SBF2: variants seen among roughly 807,000 people sequenced by gnomAD.
The protein encoded by SBF2 is SET binding factor 2.
SBF2 carries 112 observed loss-of-function variants against 225.2 expected under a neutral mutation model. The observed-to-expected ratio is 0.50, with a 90% CI of 0.43 to 0.58. SBF2 has a LOEUF of 0.58. Ranked by LOEUF, SBF2 falls within the 20% of genes least tolerant of loss-of-function variation. The pLI, the probability that SBF2 is intolerant of heterozygous loss-of-function variation, is 0.00. For missense variants in SBF2, 1,996 were observed against 2,206.2 expected (o/e 0.90, Z 1.91); for synonymous variants, 763 against 773.3 (o/e 0.99, Z 0.22).
chr11:10,196,833 CATAAATATATAT>C (rs578035247), intron 1 of SBF2, among the ~76,000 whole-genome samples: 1,148 of 96,048 alleles, frequency 0.012, 70 homozygotes, highest in Admixed American at 0.083. Flanking sequence ...AGGTTTCTTG[CATAAATATATAT>C]ATATATATAT....
chr11:9,903,092 C>T (rs10840322), intron 16 of SBF2, among the ~76,000 whole-genome samples: 85,712 of 151,852 alleles, frequency 0.56, 24,554 homozygotes, highest in African/African-American at 0.6. Context: ...GAGGCTGAGG[C>T]AGGCGGATCA....
intron 28 of SBF2, among the ~76,000 whole-genome samples, chr11:9,826,293 C>T (rs1855055026): frequency 6.6e-6 from 1 of 152,184 alleles, no homozygotes. Context: ...GCTGTGAGAA[C>T]ACCTAGAGTG....
intron 2 of SBF2, among the ~76,000 whole-genome samples, chr11:10,111,513 C>T (rs938985050): frequency 3.9e-5 from 6 of 152,186 alleles, no homozygotes; most frequent in Non-Finnish European, 8.8e-5. Flanking sequence ...GTCAACAACA[C>T]TAGAGCCTTA....
At chr11:10,203,793 T>A (rs1957650923) in intron 1 of SBF2, among the ~76,000 whole-genome samples, 1 of 144,274 alleles carries the variant, frequency 6.9e-6, no homozygotes, top group Non-Finnish European at 1.5e-5. Context: ...AAAAGGTTAA[T>A]GGTTGTTATA....
intron 2 of SBF2, among the ~76,000 whole-genome samples, chr11:10,118,643 G>T (rs1381523383): frequency 2.6e-5 from 4 of 151,858 alleles, no homozygotes. Flanking sequence ...TGTAAAAATT[G>T]CTACCATCCA....
At chr11:9,840,213 A>C (rs1357708926) in intron 25 of SBF2, among the ~76,000 whole-genome samples, 4 of 151,660 alleles carry the variant, frequency 2.6e-5, no homozygotes, top group African/African-American at 9.7e-5. Context: ...CAGCCTGGGC[A>C]ACCGAGCGAG....
At chr11:9,867,840 G>T (rs1481804071) in intron 17 of SBF2, among the ~76,000 whole-genome samples, 1 of 152,202 alleles carries the variant, frequency 6.6e-6, no homozygotes, top group Non-Finnish European at 1.5e-5. Flanking sequence ...AGAGTAGGAT[G>T]ATGGTTCCAA....
chr11:9,893,552 G>T (rs1861003919), intron 17 of SBF2, among the ~76,000 whole-genome samples: 1 of 152,200 alleles, frequency 6.6e-6, no homozygotes, highest in Admixed American at 6.5e-5. Context: ...AGCACCTAAT[G>T]GTGGTGTGTG....
At chr11:10,168,236 G>A (rs1441592264) in intron 2 of SBF2, among the ~76,000 whole-genome samples, 2 of 152,088 alleles carry the variant, frequency 1.3e-5, no homozygotes, top group Non-Finnish European at 2.9e-5. Context: ...CACATAATAA[G>A]TACCAAATAG....
At chr11:10,042,303 TAG>T (rs1178369713) in intron 3 of SBF2, among the ~76,000 whole-genome samples, 1 of 152,172 alleles carries the variant, frequency 6.6e-6, no homozygotes, top group African/African-American at 2.4e-5. Flanking sequence ...TTAGAGAAAG[TAG>T]AGCCAGTAAT....
intron 6 of SBF2, among the ~76,000 whole-genome samples, chr11:10,019,553 A>C (rs921236153): frequency 6.6e-6 from 1 of 152,182 alleles, no homozygotes; most frequent in East Asian, 1.9e-4. Flanking sequence ...TATTTTCTTT[A>C]AATTTTTTTT....
At chr11:10,244,964 G>GT (rs1224229443) in intron 1 of SBF2, among the ~76,000 whole-genome samples, 1 of 151,528 alleles carries the variant, frequency 6.6e-6, no homozygotes, top group Non-Finnish European at 1.5e-5. Flanking sequence ...GTGAAACTCT[G>GT]TCTCTACAAA....
intron 17 of SBF2, among the ~76,000 whole-genome samples, chr11:9,874,705 C>T (rs575714011): frequency 6.6e-6 from 1 of 152,276 alleles, no homozygotes; most frequent in South Asian, 2.1e-4. Flanking sequence ...ACTGCCTACA[C>T]AAATTAGAGG....
chr11:9,950,959 T>C (rs1407263986), intron 16 of SBF2, among the ~76,000 whole-genome samples: 2 of 152,164 alleles, frequency 1.3e-5, no homozygotes, highest in African/African-American at 2.4e-5. Context: ...TATCATTATA[T>C]GTGGTTAAGT....
intron 1 of SBF2, among the ~76,000 whole-genome samples, chr11:10,265,739 C>G (rs116497681): frequency 6.6e-6 from 1 of 152,076 alleles, no homozygotes; most frequent in Non-Finnish European, 1.5e-5. Flanking sequence ...GGTTGGAGTA[C>G]AAGTGGTGCA....
At chr11:10,200,006 G>A (rs1957516330) in intron 1 of SBF2, among the ~76,000 whole-genome samples, 2 of 152,190 alleles carry the variant, frequency 1.3e-5, no homozygotes, top group African/African-American at 4.8e-5. Flanking sequence ...ATAGGGGCAT[G>A]CTATTGTAAT....
chr11:9,900,623 G>A (rs1217358822), intron 16 of SBF2, among the ~76,000 whole-genome samples: 1 of 152,040 alleles, frequency 6.6e-6, no homozygotes, highest in South Asian at 2.1e-4. Flanking sequence ...CATCTGTAAG[G>A]GTGCACCCTT....
intron 17 of SBF2, among the ~76,000 whole-genome samples, chr11:9,874,792 C>A (rs1350575193): frequency 6.6e-6 from 1 of 152,164 alleles, no homozygotes; most frequent in Admixed American, 6.5e-5. Context: ...GTCACCTAAG[C>A]TCCTAGCTTA....
intron 17 of SBF2, among the ~76,000 whole-genome samples, chr11:9,882,834 C>T (rs546451547): frequency 7.4e-6 from 1 of 135,506 alleles, no homozygotes; most frequent in African/African-American, 2.6e-5. Flanking sequence ...CCAAAAAAAA[C>T]CCATTATCTT....
Sources: gnomAD v4.1 joint callset for allele counts (sites outside exome capture counted in the v4.1 genomes callset) on GRCh38, gnomAD v4.1.1 for gene constraint, MANE v1.5 for transcripts, NCBI Gene and HGNC (gene_info 2026-07-23, HGNC 2026-07-21) for gene names.